Variants in ESRRG observed in about 807,000 individuals in gnomAD.
ESRRG encodes estrogen related receptor gamma.
A neutral mutation model predicts 44.0 loss-of-function variants in ESRRG; 13 were observed. The observed-to-expected ratio is 0.30, with a 90% CI of 0.19 to 0.47. The LOEUF (loss-of-function observed/expected upper bound fraction) is 0.47, where lower values mean the gene tolerates loss of function less well. Among genes scored for constraint, ESRRG ranks in the 20% least tolerant of loss-of-function variants. The pLI, the probability that ESRRG is intolerant of heterozygous loss-of-function variation, is 1.00. For synonymous variants in ESRRG, 215 were observed against 214.6 expected (o/e 1.00, Z -0.02); for missense variants, 395 against 580.6 (o/e 0.68, Z 3.29).
intron 2 of ESRRG, among the ~76,000 whole-genome samples, chr1:216,835,544 T>C (rs1372112687): frequency 3.9e-5 from 6 of 152,202 alleles, no homozygotes; most frequent in Admixed American, 3.9e-4. Flanking sequence ...CAGTTCGTCC[T>C]CAAGGACTCA....
At chr1:216,572,810 A>G (rs1297156004) in intron 3 of ESRRG, among the ~76,000 whole-genome samples, 2 of 152,074 alleles carry the variant, frequency 1.3e-5, no homozygotes, top group Non-Finnish European at 2.9e-5. Flanking sequence ...AAGTAACGCT[A>G]TGAAGATTAA....
intron 1 of ESRRG, among the ~76,000 whole-genome samples, chr1:217,058,379 T>C (rs1474981334): frequency 1.3e-5 from 2 of 152,148 alleles, no homozygotes; most frequent in Non-Finnish European, 2.9e-5. Flanking sequence ...TTAGAGAATA[T>C]TGTTTCCATA....
chr1:216,991,199 C>G (rs865919594), intron 1 of ESRRG, among the ~76,000 whole-genome samples: 4 of 152,046 alleles, frequency 2.6e-5, no homozygotes, highest in African/African-American at 9.7e-5. Context: ...CATCCCCCAC[C>G]CATCCATGGA....
intron 1 of ESRRG, among the ~76,000 whole-genome samples, chr1:216,688,747 G>A (rs1444993558): frequency 6.6e-6 from 1 of 152,112 alleles, no homozygotes; most frequent in Non-Finnish European, 1.5e-5. Flanking sequence ...GAAAGCAGAG[G>A]TTGTCATAAA....
chr1:216,910,793 T>C lies in ESRRG; in HGVS notation c.-14+28789A>G, dbSNP rs755289057. ...GCACTCCTTAATAGGATTTTTACTA[T>C]ATTAAAAACTTGCCTGTGTACATTG... On this transcript the variant is annotated intron_variant, in intron 2 of 7. Coordinates refer to the ESRRG transcript ENST00000359162. Among the ~76,000 whole-genome samples the C allele has an allele frequency of 3.9e-5, 6 of 152,172 alleles. No homozygotes were observed. In the South Asian group the frequency reaches 1.2e-3, roughly 32 times the overall value.
intron 2 of ESRRG, among the ~76,000 whole-genome samples, chr1:216,900,101 AT>A (rs1228294598): frequency 7.2e-5 from 11 of 152,142 alleles, no homozygotes; most frequent in Non-Finnish European, 1.5e-4. Flanking sequence ...CAAATTAGTG[AT>A]TTTACCCTAC....
At chr1:216,958,685 C>G (rs2150149453) in intron 1 of ESRRG, among the ~76,000 whole-genome samples, 1 of 152,276 alleles carries the variant, frequency 6.6e-6, no homozygotes, top group South Asian at 2.1e-4. Flanking sequence ...AGATCACTCA[C>G]TAAGAGCCAA....
At chr1:216,731,226 TA>T (rs2088705341) in intron 2 of ESRRG, among the ~76,000 whole-genome samples, 1 of 152,224 alleles carries the variant, frequency 6.6e-6, no homozygotes, top group African/African-American at 2.4e-5. Context: ...TTTCATTATC[TA>T]AAGATTTATT....
intron 1 of ESRRG, among the ~76,000 whole-genome samples, chr1:217,021,235 T>C (rs2080269475): frequency 6.6e-6 from 1 of 152,164 alleles, no homozygotes; most frequent in African/African-American, 2.4e-5. Context: ...GGTTGCCCAG[T>C]AGAGTGGATG....
chr1:216,603,776 A>G (rs2059552634), intron 3 of ESRRG, among the ~76,000 whole-genome samples: 1 of 152,044 alleles, frequency 6.6e-6, no homozygotes, highest in African/African-American at 2.4e-5. Flanking sequence ...TAAAAATACA[A>G]AATTAGCCAG....
intron 1 of ESRRG, among the ~76,000 whole-genome samples, chr1:217,017,170 G>A (rs2079520732): frequency 6.6e-6 from 1 of 152,094 alleles, no homozygotes; most frequent in Non-Finnish European, 1.5e-5. Context: ...ATGACCAGTT[G>A]TACAGCTGTA....
chr1:216,997,046 C>G (rs1278482143), intron 1 of ESRRG, among the ~76,000 whole-genome samples: 2 of 151,862 alleles, frequency 1.3e-5, no homozygotes, highest in Non-Finnish European at 2.9e-5. Context: ...TGACATGTGC[C>G]CATTTAGAAT....
intron 5 of ESRRG, among the ~76,000 whole-genome samples, chr1:216,538,792 T>C (rs894250476): frequency 6.6e-6 from 1 of 152,080 alleles, no homozygotes; most frequent in East Asian, 1.9e-4. Flanking sequence ...AAAAGTTAAA[T>C]GCACCAGTAT....
intron 1 of ESRRG, among the ~76,000 whole-genome samples, chr1:217,065,710 A>C (rs766872149): frequency 6.6e-6 from 1 of 152,198 alleles, no homozygotes; most frequent in South Asian, 2.1e-4. Context: ...GAAAAGACAG[A>C]CATGCATGGG....
chr1:216,514,682 A>C (rs1222625276), intron 6 of ESRRG, among the ~76,000 whole-genome samples: 2 of 152,136 alleles, frequency 1.3e-5, no homozygotes, highest in African/African-American at 4.8e-5. Flanking sequence ...CATTGATAGC[A>C]AAGGACAGAA....
At chr1:216,888,640 C>A (rs1298279586) in intron 2 of ESRRG, among the ~76,000 whole-genome samples, 1 of 152,164 alleles carries the variant, frequency 6.6e-6, no homozygotes, top group East Asian at 1.9e-4. Flanking sequence ...CTTGCTTCTA[C>A]AGAATCACAG....
chr1:217,122,859 A>C (rs1440558754), intron 1 of ESRRG, among the ~76,000 whole-genome samples: 1 of 147,800 alleles, frequency 6.8e-6, no homozygotes, highest in Non-Finnish European at 1.5e-5. Context: ...CTTTTTTTTT[A>C]TTTTTAGTAC....
intron 2 of ESRRG, among the ~76,000 whole-genome samples, chr1:216,653,961 A>T (rs913987541): frequency 1.3e-5 from 2 of 151,658 alleles, no homozygotes; most frequent in Non-Finnish European, 2.9e-5. Flanking sequence ...CAAAAAAAAA[A>T]AAAGTAGAAA....
intron 3 of ESRRG, among the ~76,000 whole-genome samples, chr1:216,585,647 T>C (rs1017103784): frequency 1.3e-5 from 2 of 152,218 alleles, no homozygotes; most frequent in Admixed American, 1.3e-4. Flanking sequence ...AAAATCATTA[T>C]GACATATTCT....
Sources: allele counts gnomAD v4.1 joint callset (sites outside exome capture counted in the v4.1 genomes callset), GRCh38; gene constraint gnomAD v4.1.1; transcripts MANE v1.5; gene names NCBI Gene and HGNC (gene_info 2026-07-23, HGNC 2026-07-21).